Variants in PLVAP observed in about 807,000 individuals in gnomAD.
PLVAP encodes the protein plasmalemma vesicle associated protein.
Under a neutral mutation model 43.1 loss-of-function variants are expected in PLVAP, and 34 were observed. The ratio of observed to expected loss-of-function variants is 0.79; its 90% confidence interval spans 0.60 to 1.05. The LOEUF (loss-of-function observed/expected upper bound fraction) is 1.05, where lower values mean the gene tolerates loss of function less well. PLVAP is among the 50% of genes least tolerant of loss of function. The pLI is 0.00. For synonymous variants in PLVAP, 241 were observed against 237.3 expected, an observed-to-expected ratio of 1.02 and a Z score of -0.14; for missense variants, 574 against 593.4, an observed-to-expected ratio of 0.97 and a Z score of 0.34.
At position 17,377,307 on chromosome 19, in the gene PLVAP, C is replaced by G; in HGVS notation, c.-19G>C. The G allele has an allele frequency of 1.9e-6, 3 of 1,587,934 alleles. No homozygotes were observed. Among genetic ancestry groups the G allele is most frequent in the East Asian group, 2.2e-5 (1 of 44,790 alleles). ...GACCCATTTGCTCGATCCCGCCGTC[C>G]GGTGCACCGTCCCTGCTCACCACCA... is the stretch of plus-strand genomic sequence containing the variant. On this transcript the variant is annotated 5_prime_UTR_variant, in exon 1 of 6. Transcript: ENST00000252590.
intron 3 of PLVAP, among the ~76,000 whole-genome samples, chr19:17,364,844 C>T (rs552770700): frequency 5.8e-5 from 8 of 137,332 alleles, no homozygotes; most frequent in Non-Finnish European, 1.1e-4. Flanking sequence ...TCGATCTTGG[C>T]TCACTGCAAC....
intron 5 of PLVAP, 42 bp downstream of exon 5, chr19:17,360,486 C>T: frequency 6.3e-7 from 1 of 1,588,640 alleles, no homozygotes; most frequent in Non-Finnish European, 8.6e-7. Flanking sequence ...GCTTTGCCCA[C>T]AGTTCTAAGA....
At chr19:17,360,944 C>T (rs546619083) in intron 3 of PLVAP, 112 bp from the exon 4 acceptor site, 43 of 968,288 alleles carry the variant, frequency 4.4e-5, no homozygotes, top group Middle Eastern at 3.1e-4. Context: ...GACGGAGTTT[C>T]GCTCTTGTTG....
At chr19:17,356,815 C>T (rs529434519) in intron 5 of PLVAP, among the ~76,000 whole-genome samples, 3 of 151,492 alleles carry the variant, frequency 2.0e-5, no homozygotes, top group East Asian at 4.0e-4. Flanking sequence ...CAAAATTAGC[C>T]GGGCGTGATG....
chr19:17,366,237 G>A (rs747802457), intron 1 of PLVAP, 42 bp from the exon 2 acceptor site: 18 of 1,601,852 alleles, frequency 1.1e-5, no homozygotes, highest in Admixed American at 1.7e-5. Flanking sequence ...AGAGCTTAGT[G>A]TCTTGCCCCC....
Position 17,365,325 on chromosome 19 carries a change from G to A in PLVAP, c.1140C>T (p.Ala380=). 1 of 1,613,254 alleles carries A rather than the reference G, an allele frequency of 6.2e-7. No individual in the cohort carries two copies. The change falls in exon 3 of 6, where the codon GCC becomes GCT. Residue 380 remains alanine, a synonymous_variant. Coordinates refer to ENST00000252590, the MANE Select transcript of PLVAP (RefSeq NM_031310.3). ...AGGTGTCCAGGGCTGAGTTTCTGAT[G>A]GCCAGCTCCATCCTGAGCTGCTCCG... The part of the protein sequence containing the change: ...REAEQLRMEL[A]IRNSALDTCI...
chr19:17,371,802 A>G (rs1228656314), intron 1 of PLVAP, among the ~76,000 whole-genome samples: 2 of 152,218 alleles, frequency 1.3e-5, no homozygotes, highest in South Asian at 2.1e-4. Flanking sequence ...GTTTTTAAAG[A>G]AAGTGTTCAC....
intron 5 of PLVAP, among the ~76,000 whole-genome samples, chr19:17,353,713 C>A (rs1452083354): frequency 6.6e-6 from 1 of 152,176 alleles, no homozygotes; most frequent in Non-Finnish European, 1.5e-5. Context: ...AAAGTTCCAA[C>A]CTTCTTACGC....
intron 5 of PLVAP, 132 bp from the exon 6 acceptor site, chr19:17,352,500 C>G: frequency 1.0e-6 from 1 of 974,354 alleles, no homozygotes; most frequent in Non-Finnish European, 1.6e-6. Context: ...TCCTACCACC[C>G]TGGGCCCCTA....
intron 1 of PLVAP, among the ~76,000 whole-genome samples, chr19:17,369,255 G>A (rs1056354944): frequency 2.0e-5 from 3 of 150,890 alleles, no homozygotes; most frequent in Non-Finnish European, 3.0e-5. Context: ...GCACGATCTC[G>A]GCTCACTGTA....
At position 17,365,481 on chromosome 19, in the gene PLVAP, C is replaced by G. The variant is rs754942023; in HGVS notation, c.984G>C (p.Glu328Asp). 1.4e-5 allele frequency: 23 copies of G among 1,612,602 alleles called. No homozygotes were observed. Among genetic ancestry groups the G allele is most frequent in the Middle Eastern group, 3.3e-4 (2 of 6,080 alleles). Residue 328 changes from glutamate to aspartate, a missense_variant, in exon 3 of 6, where the codon GAG becomes GAC. Glu to Asp is a conservative substitution (Grantham distance 45). Coordinates refer to ENST00000252590, the MANE Select transcript of PLVAP (RefSeq NM_031310.3). ...GGAGCTTGGCCTCCCGGGCCTGAGC[C>G]TCCTTCTCCACCTTCTGTTTCGCCT... The part of the protein sequence containing the change: ...SQEAKQKVEK[E>D]AQAREAKLQA...
In PLVAP at chr19:17,364,764, CTTTTT is replaced by C. The variant is rs71162109; in HGVS notation, c.1179+517_1179+521del. Among the ~76,000 whole-genome samples, 7 of 87,360 alleles carry C rather than the reference CTTTTT, an allele frequency of 8.0e-5. No homozygotes were observed. In the East Asian group the frequency reaches 1.6e-3, roughly 20 times the overall value. The allele number at this position is 87,360 out of a possible 152,430, so 57.3% of individuals were successfully genotyped here. On this transcript the variant is annotated intron_variant, in intron 3 of 5. Coordinates refer to ENST00000252590, the MANE Select transcript of PLVAP (RefSeq NM_031310.3). ...TATCCACCCTACCTCTAATTCCAGT[CTTTTT>C]TTTTTTTTTTTTTTTTTTTTTGAGA... is the stretch of plus-strand genomic sequence containing the variant.
At chr19:17,354,578 C>G (rs1260143358) in intron 5 of PLVAP, among the ~76,000 whole-genome samples, 1 of 114,492 alleles carries the variant, frequency 8.7e-6, no homozygotes, top group African/African-American at 3.5e-5. Context: ...GCCTGGAAAA[C>G]AGAGCGAGAC....
chr19:17,367,992 G>T (rs1382807651), intron 1 of PLVAP, among the ~76,000 whole-genome samples: 1 of 150,550 alleles, frequency 6.6e-6, no homozygotes, highest in African/African-American at 2.4e-5. Flanking sequence ...CTGCCTCCCG[G>T]GTTCAAGTGA....
At chr19:17,365,254 CT>C in intron 3 of PLVAP, 31 bp downstream of exon 3, 1 of 1,572,814 alleles carries the variant, frequency 6.4e-7, no homozygotes, top group African/African-American at 1.4e-5. Flanking sequence ...CCTAACTCCA[CT>C]GCAGCCTCCC....
rs1440035296 is a variant in PLVAP, at chr19:17,352,313, G to A, written c.*49C>T. On this transcript the variant is annotated 3_prime_UTR_variant, in exon 6 of 6. Transcript: ENST00000252590. ...CTGTGAGCATATCCCTGCATCCTCC[G>A]CAAACCGCCGAGTCGGGCCATCCCT... The A allele has an allele frequency of 1.1e-5, 17 of 1,611,164 alleles. No individual in the cohort carries two copies. Among genetic ancestry groups the A allele is most frequent in the Non-Finnish European group, 1.4e-5 (17 of 1,177,990 alleles).
intron 1 of PLVAP, among the ~76,000 whole-genome samples, chr19:17,375,968 C>T (rs1284895085): frequency 6.6e-6 from 1 of 151,144 alleles, no homozygotes; most frequent in Non-Finnish European, 1.5e-5. Flanking sequence ...ATTGTTTGAG[C>T]CCAGGAGTTC....
intron 1 of PLVAP, 47 bp from the exon 2 acceptor site, chr19:17,366,242 GC>G (rs1428437134): frequency 2.5e-6 from 4 of 1,595,496 alleles, no homozygotes; most frequent in African/African-American, 1.3e-5. Context: ...TTAGTGTCTT[GC>G]CCCCAGGACT....
At chr19:17,358,960 T>G (rs1012451138) in intron 5 of PLVAP, among the ~76,000 whole-genome samples, 6 of 145,942 alleles carry the variant, frequency 4.1e-5, no homozygotes, top group African/African-American at 1.5e-4. Context: ...CCACCACACC[T>G]GGGTAATTTT....
Sources: allele counts gnomAD v4.1 joint callset (sites outside exome capture counted in the v4.1 genomes callset), GRCh38; gene constraint gnomAD v4.1.1; transcripts MANE v1.5; gene names NCBI Gene and HGNC (gene_info 2026-07-23, HGNC 2026-07-21).